The following CRIM1 variants were observed in gnomAD, a reference collection of about 807,000 sequenced individuals.
CRIM1 encodes the protein cysteine rich transmembrane BMP regulator 1.
Under a neutral mutation model 116.4 loss-of-function variants are expected in CRIM1, and 32 were observed. That is an observed-to-expected ratio of 0.27 (90% CI 0.21 to 0.37). CRIM1 has a LOEUF of 0.37. Among genes scored for constraint, CRIM1 ranks in the 10% least tolerant of loss-of-function variants. The pLI is 1.00. For missense variants in CRIM1, 1,331 were observed against 1,354.8 expected (o/e 0.98, Z 0.28); for synonymous variants, 590 against 509.2 (o/e 1.16, Z -2.13).
rs200065604 is a variant in CRIM1 at position 36,513,726 on chromosome 2, C to T, written c.1951C>T (p.Pro651Ser). 5.0e-6 allele frequency: 8 copies of T among 1,614,170 alleles called. No homozygotes were observed. In the East Asian group the frequency reaches 1.8e-4, roughly 36 times the overall value. ...ITCPVPACGN[P>S]TIHPGQCCPS... is the part of the protein sequence containing the mutation. ...CTGCCCGGTGCCTGCCTGTGGCAAC[C>T]CCACCATTCACCCTGGACAGTGCTG... The change falls in exon 11 of 17, where the codon CCC becomes TCC. Residue 651 changes from proline (P) to serine (S), a missense_variant. By Grantham distance (74) the Pro-to-Ser change is moderately conservative. Transcript: ENST00000280527.
chr2:36,395,030 TTTG>T (rs1181358646), intron 1 of CRIM1, among the ~76,000 whole-genome samples: 2 of 151,326 alleles, frequency 1.3e-5, no homozygotes, highest in African/African-American at 4.9e-5. Flanking sequence ...TTTTTTTTTT[TTTG>T]AGGCGGAGTT....
intron 2 of CRIM1, among the ~76,000 whole-genome samples, chr2:36,426,968 T>C (rs1018032814): frequency 6.6e-6 from 1 of 152,100 alleles, no homozygotes; most frequent in Admixed American, 6.5e-5. Context: ...TTTGGGAGGC[T>C]GAGGCGGGTG....
chr2:36,401,300 A>G (rs1298210122), intron 2 of CRIM1, among the ~76,000 whole-genome samples: 1 of 152,212 alleles, frequency 6.6e-6, no homozygotes, highest in African/African-American at 2.4e-5. Context: ...TAAAGGAAAT[A>G]GGATACTGGA....
At chr2:36,466,049 C>CA (rs112861205) in intron 5 of CRIM1, among the ~76,000 whole-genome samples, 67,826 of 151,620 alleles carry the variant, frequency 0.45, 15,522 homozygotes, top group South Asian at 0.67. Context: ...CCACACGCGG[C>CA]TAATTTTTTT....
chr2:36,544,551 G>A lies in CRIM1; in HGVS notation c.2746+53G>A, dbSNP rs1325431023. 12 of 1,310,302 alleles carry A rather than the reference G, an allele frequency of 9.2e-6. No individual in the cohort carries two copies. The South Asian group carries it at 2.5e-4, about 28-fold the overall frequency. 81.2% of individuals were successfully genotyped at this position (1,310,302 alleles called of 1,614,324 possible). A position where few individuals can be genotyped will look rare whatever the true frequency, so the allele number is the denominator to read the frequency against. ...CTAGTTTTCTATGTGGTCTACTTAG[G>A]TGTTTTCTAATTTTTAAAATTTCCT... On this transcript the variant is annotated intron_variant, in intron 15 of 16. Coordinates refer to ENST00000280527, the MANE Select transcript of CRIM1 (RefSeq NM_016441.3).
chr2:36,483,684 T>C (rs900681933), intron 7 of CRIM1, among the ~76,000 whole-genome samples: 1 of 152,188 alleles, frequency 6.6e-6, no homozygotes, highest in Middle Eastern at 3.2e-3. Flanking sequence ...TTTGAATCCC[T>C]AAAACAACAT....
chr2:36,504,145 A>G (rs762144839), intron 8 of CRIM1, among the ~76,000 whole-genome samples: 6 of 152,138 alleles, frequency 3.9e-5, no homozygotes, highest in Non-Finnish European at 7.3e-5. Flanking sequence ...AAGTGCTGAG[A>G]TTACAGGTGT....
In CRIM1 at chr2:36,477,016, G is replaced by A. The variant is rs769666452; in HGVS notation, c.1119G>A (p.Glu373=). ...TCTGCTTCACCGCCCAGTGTGGTGA[G>A]ATAAACTGCGAGAGGTACTACGTGC... is the stretch of plus-strand genomic sequence containing the variant. ...VAICFTAQCG[E]INCERYYVPE... Residue 373 remains glutamate (E), a synonymous_variant, in exon 6 of 17, where the codon GAG becomes GAA. Coordinates refer to ENST00000280527, the MANE Select transcript of CRIM1 (RefSeq NM_016441.3). The A allele has an allele frequency of 6.2e-7, 1 of 1,613,760 alleles. No homozygotes were observed. Among genetic ancestry groups the A allele is most frequent in the South Asian group, 1.1e-5 (1 of 91,016 alleles).
At chr2:36,541,732 G>A (rs711245) in intron 14 of CRIM1, among the ~76,000 whole-genome samples, 64,870 of 151,962 alleles carry the variant, frequency 0.43, 15,260 homozygotes, top group East Asian at 0.81. Flanking sequence ...CCGTGTGCCC[G>A]TGATCTTCGT....
chr2:36,548,741 G>T lies in CRIM1; in HGVS notation c.*40G>T. ...GATGAGGTTTCAAAAGACGGAAGAC[G>T]ACTAAATCTGCTCTAAAAAGTAAAC... On this transcript the variant is annotated 3_prime_UTR_variant, in exon 17 of 17. Transcript: ENST00000280527. 4.0e-6 allele frequency: 6 copies of T among 1,496,534 alleles called. No homozygotes were observed. The highest frequency in any genetic ancestry group is 5.4e-6 in the Non-Finnish European group (6 of 1,110,690). The allele number at this position is 1,496,534 out of a possible 1,614,324, so 92.7% of individuals were successfully genotyped here.
At position 36,479,643 on chromosome 2, in the gene CRIM1, A is replaced by T; in HGVS notation, c.1321A>T (p.Thr441Ser). ...RHCVATVCGQ[T>S]CTNPVKVPGE... Reference sequence around the variant, plus strand: ...CTGCGTTGCGACCGTCTGCGGACAGACCTGCACAAACCCTGTGAAAGTGCC... The same window carrying T: ...CTGCGTTGCGACCGTCTGCGGACAGTCCTGCACAAACCCTGTGAAAGTGCC... The change falls in exon 7 of 17, where the codon ACC becomes TCC. Residue 441 changes from threonine (T) to serine (S), a missense_variant. Around this residue, in one of 3 missense-constraint regions of CRIM1, gnomAD observed 690 missense variants for 676.0 expected, o/e 1.02. Transcript: ENST00000280527. The T allele has an allele frequency of 6.2e-7, 1 of 1,614,222 alleles. No individual in the cohort carries two copies. Among genetic ancestry groups the T allele is most frequent in the East Asian group, 2.2e-5 (1 of 44,880 alleles).
At chr2:36,376,399 G>A (rs1177460315) in intron 1 of CRIM1, among the ~76,000 whole-genome samples, 1 of 152,212 alleles carries the variant, frequency 6.6e-6, no homozygotes, top group African/African-American at 2.4e-5. Flanking sequence ...TAAACAGTAG[G>A]CGAGCGTTCA....
chr2:36,393,678 AG>A (rs1274285709), intron 1 of CRIM1, among the ~76,000 whole-genome samples: 4 of 152,110 alleles, frequency 2.6e-5, no homozygotes, highest in Non-Finnish European at 4.4e-5. Flanking sequence ...TTCTCAAAAG[AG>A]GTAACATCTG....
intron 4 of CRIM1, among the ~76,000 whole-genome samples, chr2:36,455,630 G>A (rs931906279): frequency 6.6e-6 from 1 of 152,226 alleles, no homozygotes; most frequent in African/African-American, 2.4e-5. Context: ...TGTGCAAGTA[G>A]CCAGTGGTCA....
chr2:36,459,802 T>TCC (rs1677437468), intron 4 of CRIM1, among the ~76,000 whole-genome samples: 1 of 151,558 alleles, frequency 6.6e-6, no homozygotes, highest in African/African-American at 2.4e-5. Flanking sequence ...GTTGCTGGAG[T>TCC]GTAGGGTGTG....
intron 2 of CRIM1, among the ~76,000 whole-genome samples, chr2:36,402,970 C>T (rs192204841): frequency 2.0e-5 from 3 of 152,244 alleles, no homozygotes; most frequent in African/African-American, 7.2e-5. Flanking sequence ...AGAATTCATA[C>T]ATACATGCTC....
intron 1 of CRIM1, among the ~76,000 whole-genome samples, chr2:36,394,297 C>T (rs1380531936): frequency 6.6e-6 from 1 of 152,072 alleles, no homozygotes; most frequent in East Asian, 1.9e-4. Context: ...AACTGCCTTT[C>T]AGTTATAAAT....
Position 36,384,774 on chromosome 2 carries a change from C to A in CRIM1, c.332-11840C>A, listed in dbSNP as rs193112827. On this transcript the variant is annotated intron_variant, in intron 1 of 16. Transcript: ENST00000280527. ...CTTGATGCCTTTAAAATCAGTGGAT[C>A]AGGCCCTGTGTTGCGAGATTTCTTA... Among the ~76,000 whole-genome samples the A allele has an allele frequency of 2.6e-3, 399 of 152,316 alleles. 1 individual carries two copies. Among genetic ancestry groups the A allele is most frequent in the African/African-American group, 9.1e-3 (377 of 41,562 alleles).
rs757282521 is a variant in CRIM1, at chr2:36,546,940, A to G, written c.2747-44A>G. On this transcript the variant is annotated intron_variant, in intron 15 of 16. Transcript: ENST00000280527. The stretch of plus-strand genomic sequence containing the variant: ...AATGTCATTAAAATAATCCTTAACA[A>G]TTCTGGTTTAGGTAATAAATGCTTA... 4.4e-6 allele frequency: 5 copies of G among 1,137,214 alleles called. No homozygotes were observed. The African/African-American group carries it at 4.7e-5, about 11-fold the overall frequency. 70.4% of individuals were successfully genotyped at this position (1,137,214 alleles called of 1,614,324 possible). A position where few individuals can be genotyped will look rare whatever the true frequency, so the allele number is the denominator to read the frequency against.
Sources: gnomAD v4.1 joint callset for allele counts (sites outside exome capture counted in the v4.1 genomes callset) on GRCh38, gnomAD v4.1.1 for gene constraint, gnomAD v4.1.1 regional missense constraint, MANE v1.5 for transcripts, NCBI Gene and HGNC (gene_info 2026-07-23, HGNC 2026-07-21) for gene names.